SF3A3: variants seen among roughly 807,000 people sequenced by gnomAD.
The protein encoded by SF3A3 is SAP 61.
SF3A3 carries 9 observed loss-of-function variants against 85.8 expected under a neutral mutation model. The ratio of observed to expected loss-of-function variants is 0.10; its 90% CI spans 0.06 to 0.18. The LOEUF is 0.18. SF3A3 is among the 10% of genes least tolerant of loss of function. The pLI, the probability that SF3A3 is intolerant of heterozygous loss-of-function variation, is 1.00. For synonymous variants in SF3A3, 195 were observed against 204.4 expected, an observed-to-expected ratio of 0.95 and a Z score of 0.39; for missense variants, 306 against 593.3, an observed-to-expected ratio of 0.52 and a Z score of 5.03.
intron 15 of SF3A3, among the ~76,000 whole-genome samples, chr1:37,964,788 G>C (rs1207323292): frequency 2.6e-5 from 4 of 152,200 alleles, no homozygotes; most frequent in Admixed American, 2.6e-4. Flanking sequence ...CTTTCTTCAA[G>C]AGGTATTTTG....
chr1:37,985,731 A>G (rs1230581703), intron 4 of SF3A3, among the ~76,000 whole-genome samples: 4 of 152,072 alleles, frequency 2.6e-5, no homozygotes, highest in African/African-American at 9.7e-5. Flanking sequence ...GTATTCATTT[A>G]TTCTCCCTTG....
chr1:37,970,304 CA>C (rs35452372), intron 12 of SF3A3, among the ~76,000 whole-genome samples: 27,290 of 103,378 alleles, frequency 0.26, 3,344 homozygotes, highest in African/African-American at 0.44. Context: ...GACTCCTTCT[CA>C]AAAAAAAAAA....
intron 2 of SF3A3, among the ~76,000 whole-genome samples, chr1:37,988,879 GTATA>G (rs67489095): frequency 1.1e-4 from 16 of 144,354 alleles, no homozygotes; most frequent in Non-Finnish European, 2.2e-4. Context: ...GTGTGTGTGT[GTATA>G]TATATATATA....
chr1:37,980,841 C>CTTTTTTTTTTTTTT (rs760972269), intron 7 of SF3A3, 117 bp from the exon 8 acceptor site: 1 of 92,318 alleles, frequency 1.1e-5, no homozygotes, highest in Non-Finnish European at 1.7e-5. Context: ...TTTTAATACT[C>CTTTTTTTTTTTTTT]TTTTTTTTTT....
intron 14 of SF3A3, 63 bp from the exon 15 acceptor site, chr1:37,968,197 C>A: frequency 1.1e-6 from 1 of 919,696 alleles, no homozygotes. Flanking sequence ...AGAGCACTAA[C>A]TCCATTCTAC....
intron 14 of SF3A3, among the ~76,000 whole-genome samples, chr1:37,969,099 T>A (rs1277375501): frequency 6.6e-6 from 1 of 152,162 alleles, no homozygotes; most frequent in East Asian, 1.9e-4. Context: ...ACAGAGAAGT[T>A]TAAGAGCAGG....
chr1:37,974,114 G>A (rs1413064346), intron 12 of SF3A3, among the ~76,000 whole-genome samples: 1 of 151,916 alleles, frequency 6.6e-6, no homozygotes, highest in Non-Finnish European at 1.5e-5. Context: ...ATAGCATTAG[G>A]AGATATACCT....
At chr1:37,975,115 A>T (rs1646370821) in intron 12 of SF3A3, among the ~76,000 whole-genome samples, 1 of 152,232 alleles carries the variant, frequency 6.6e-6, no homozygotes, top group Admixed American at 6.5e-5. Context: ...CAAATGGTAT[A>T]ATAATGGCAA....
intron 12 of SF3A3, among the ~76,000 whole-genome samples, chr1:37,971,237 A>C (rs1570460050): frequency 1.3e-5 from 1 of 79,170 alleles, no homozygotes; most frequent in Non-Finnish European, 2.8e-5. Flanking sequence ...CCTCTACACA[A>C]ACAAACTAGA....
chr1:37,981,682 A>G (rs756594564), intron 7 of SF3A3, 47 bp downstream of exon 7: 1 of 1,183,318 alleles, frequency 8.5e-7, no homozygotes, highest in Non-Finnish European at 1.3e-6. Flanking sequence ...ACTTCACATT[A>G]TCTTCTAATC....
intron 15 of SF3A3, among the ~76,000 whole-genome samples, chr1:37,966,219 A>C (rs28490509): frequency 1.4e-5 from 2 of 145,922 alleles, no homozygotes; most frequent in East Asian, 4.0e-4. Flanking sequence ...ATAAATAAAT[A>C]AATTAATTAA....
At position 37,958,090 on chromosome 1, in the gene SF3A3, CA is replaced by C; in HGVS notation, c.*95del. The C allele has an allele frequency of 1.2e-6, 1 of 822,706 alleles. No individual in the cohort carries two copies. Among genetic ancestry groups the C allele is most frequent in the South Asian group, 1.4e-5 (1 of 73,002 alleles). 51.0% of individuals were successfully genotyped at this position (822,706 alleles called of 1,614,324 possible). On this transcript the variant is annotated 3_prime_UTR_variant, in exon 17 of 17. Coordinates refer to ENST00000373019, the MANE Select transcript of SF3A3 (RefSeq NM_006802.4). ...CATGCTAGACCATGAGACTACATAG[CA>C]AAGGGTCTTTAAGAGGATTTGGTTG...
intron 12 of SF3A3, among the ~76,000 whole-genome samples, chr1:37,976,389 A>C (rs543593826): frequency 1.3e-5 from 2 of 152,290 alleles, no homozygotes; most frequent in Non-Finnish European, 2.9e-5. Flanking sequence ...TCCTCCTGAA[A>C]TATTCAAGAA....
intron 15 of SF3A3, among the ~76,000 whole-genome samples, chr1:37,963,144 G>A (rs948399523): frequency 6.6e-6 from 1 of 151,746 alleles, no homozygotes; most frequent in South Asian, 2.1e-4. Flanking sequence ...CTTGCTGCAG[G>A]CTAAAATCTC....
intron 6 of SF3A3, among the ~76,000 whole-genome samples, chr1:37,983,586 C>CAAAAAAAAAA (rs371317065): frequency 0.072 from 2,757 of 38,300 alleles, 658 homozygotes; most frequent in East Asian, 0.092. Context: ...GACCCTGTCT[C>CAAAAAAAAAA]AAAAAAAAAA....
intron 9 of SF3A3, 44 bp downstream of exon 9, chr1:37,979,420 GA>G: frequency 1.4e-6 from 2 of 1,458,032 alleles, no homozygotes; most frequent in Non-Finnish European, 1.9e-6. Context: ...TTTAAAGACA[GA>G]AAAATAGACA....
chr1:37,971,004 A>C (rs2148718684), intron 12 of SF3A3, among the ~76,000 whole-genome samples: 1 of 152,272 alleles, frequency 6.6e-6, no homozygotes, highest in South Asian at 2.1e-4. Flanking sequence ...AATAATTAAG[A>C]TCAGAGGAGA....
At chr1:37,962,379 A>C (rs1386183917) in intron 15 of SF3A3, among the ~76,000 whole-genome samples, 2 of 146,512 alleles carry the variant, frequency 1.4e-5, no homozygotes, top group Non-Finnish European at 3.0e-5. Flanking sequence ...TAAGGTGGGC[A>C]GATCACCTGA....
chr1:37,973,157 C>T (rs529230996), intron 12 of SF3A3, among the ~76,000 whole-genome samples: 113 of 151,480 alleles, frequency 7.5e-4, no homozygotes, highest in African/African-American at 2.5e-3. Context: ...CCAGCCTGGG[C>T]GACAGAGTGA....
Sources: allele counts gnomAD v4.1 joint callset (sites outside exome capture counted in the v4.1 genomes callset), GRCh38; gene constraint gnomAD v4.1.1; transcripts MANE v1.5; gene names NCBI Gene and HGNC (gene_info 2026-07-23, HGNC 2026-07-21).